Variants in FAM117A observed in about 807,000 individuals in gnomAD.
FAM117A encodes the protein protein FAM117A.
Under a neutral mutation model 44.1 loss-of-function variants are expected in FAM117A, and 21 were observed. The ratio of observed to expected loss-of-function variants is 0.48; its 90% confidence interval spans 0.34 to 0.69. FAM117A has a LOEUF of 0.69. Ranked by LOEUF, FAM117A falls within the 30% of genes least tolerant of loss-of-function variation. FAM117A has a pLI of 0.01. For synonymous variants in FAM117A, 220 were observed against 238.3 expected, an observed-to-expected ratio of 0.92 and a Z score of 0.71; for missense variants, 498 against 589.9, an observed-to-expected ratio of 0.84 and a Z score of 1.61.
At chr17:49,736,730 T>G (rs1567830659) in intron 1 of FAM117A, among the ~76,000 whole-genome samples, 1 of 152,208 alleles carries the variant, frequency 6.6e-6, no homozygotes, top group Non-Finnish European at 1.5e-5. Flanking sequence ...TAAAATCTGT[T>G]CATCTGTCAG....
At chr17:49,736,604 C>G (rs2073611953) in intron 1 of FAM117A, among the ~76,000 whole-genome samples, 1 of 152,206 alleles carries the variant, frequency 6.6e-6, no homozygotes, top group Non-Finnish European at 1.5e-5. Flanking sequence ...ACTTACCTGT[C>G]CTTTATACCT....
In FAM117A at chr17:49,758,636, A is replaced by AT. The variant is rs1567835848; in HGVS notation, c.196+5255dup. Among the ~76,000 whole-genome samples the AT allele has an allele frequency of 1.1e-3, 126 of 110,118 alleles. 1 individual carries two copies. Among genetic ancestry groups the AT allele is most frequent in the Middle Eastern group, 4.3e-3 (1 of 232 alleles). The allele number at this position is 110,118 out of a possible 152,430, so 72.2% of individuals were successfully genotyped here. A position where few individuals can be genotyped will look rare whatever the true frequency, so the allele number is the denominator to read the frequency against. On this transcript the variant is annotated intron_variant, in intron 1 of 7. Transcript: ENST00000240364. ...GAGACTGTCTCAAAAAAAAAAAAAAATAAAATAAATAAATAAATAAATAAA... is the reference window on the plus strand; with the variant it reads ...GAGACTGTCTCAAAAAAAAAAAAAAATTAAAATAAATAAATAAATAAATAAA...
intron 1 of FAM117A, among the ~76,000 whole-genome samples, chr17:49,740,140 G>C (rs887733355): frequency 3.9e-5 from 6 of 152,164 alleles, no homozygotes; most frequent in Non-Finnish European, 8.8e-5. Context: ...TCTGCCTGTT[G>C]GGGGAAAGTC....
intron 1 of FAM117A, among the ~76,000 whole-genome samples, chr17:49,742,232 G>A (rs1449302354): frequency 1.3e-5 from 2 of 152,196 alleles, no homozygotes; most frequent in African/African-American, 4.8e-5. Context: ...TTAAGTGAGA[G>A]CCACTGAAAG....
At position 49,764,011 on chromosome 17, in the gene FAM117A, CG is replaced by C; in HGVS notation, c.76del (p.Arg26GlyfsTer105). 8.3e-7 allele frequency: 1 copy of C among 1,205,904 alleles called. No individual in the cohort carries two copies. Among genetic ancestry groups the C allele is most frequent in the Non-Finnish European group, 1.0e-6 (1 of 967,054 alleles). 74.7% of individuals were successfully genotyped at this position (1,205,904 alleles called of 1,614,324 possible). On this transcript the variant is annotated frameshift_variant, in exon 1 of 8. Coordinates refer to ENST00000240364, the MANE Select transcript of FAM117A (RefSeq NM_030802.4). LOFTEE classifies it high-confidence loss of function. The part of the protein sequence containing the change: ...PGRGGAGGLR[R>X]GCSPPAPAGS... ...GGCGGGGGCTGGGGGAGAGCAGCCC[CG>C]CCGGAGCCCCCCGGCCCCTCCGCGC...
At chr17:49,768,528 G>C (rs967169981), upstream of FAM117A, among the ~76,000 whole-genome samples, 1 of 152,094 alleles carries the variant, frequency 6.6e-6, no homozygotes, top group Non-Finnish European at 1.5e-5. Flanking sequence ...TAATAAAACA[G>C]AAAATAAGAT....
chr17:49,744,969 G>A (rs529635126), intron 1 of FAM117A, among the ~76,000 whole-genome samples: 101 of 134,680 alleles, frequency 7.5e-4, no homozygotes, highest in African/African-American at 2.7e-3. Context: ...AGCTGTGATC[G>A]CATCACTGCA....
chr17:49,745,667 G>C (rs1439190128), intron 1 of FAM117A, among the ~76,000 whole-genome samples: 1 of 152,106 alleles, frequency 6.6e-6, no homozygotes, highest in African/African-American at 2.4e-5. Flanking sequence ...GGAAATACAG[G>C]GGATAGAGGA....
intron 1 of FAM117A, among the ~76,000 whole-genome samples, chr17:49,763,237 T>C (rs1349151263): frequency 6.6e-6 from 1 of 151,934 alleles, no homozygotes; most frequent in Non-Finnish European, 1.5e-5. Flanking sequence ...GTACAACTTC[T>C]GGGACACAGG....
intron 1 of FAM117A, among the ~76,000 whole-genome samples, chr17:49,762,008 T>G (rs886766703): frequency 5.3e-5 from 8 of 152,218 alleles, no homozygotes; most frequent in African/African-American, 1.9e-4. Flanking sequence ...TGACAAATTA[T>G]GCAGAGCTCT....
intron 1 of FAM117A, among the ~76,000 whole-genome samples, chr17:49,747,924 C>A (rs1309271613): frequency 6.6e-6 from 1 of 152,124 alleles, no homozygotes; most frequent in Non-Finnish European, 1.5e-5. Flanking sequence ...CCAGGGTAAA[C>A]CTAGTCTGAA....
At chr17:49,731,403 G>A (rs149652857) in intron 2 of FAM117A, among the ~76,000 whole-genome samples, 1,772 of 152,338 alleles carry the variant, frequency 0.012, 12 homozygotes, top group Middle Eastern at 0.027. Context: ...TAGCTGCTAA[G>A]AATGAAGTCC....
At chr17:49,713,500 A>T (rs1219878638) in intron 7 of FAM117A, among the ~76,000 whole-genome samples, 1 of 152,086 alleles carries the variant, frequency 6.6e-6, no homozygotes, top group Non-Finnish European at 1.5e-5. Context: ...ATACAGACTG[A>T]TAAATTGGTT....
At chr17:49,767,944 G>C (rs1235857949), upstream of FAM117A, among the ~76,000 whole-genome samples, 2 of 152,030 alleles carry the variant, frequency 1.3e-5, no homozygotes, top group Non-Finnish European at 2.9e-5. Context: ...TAGATACTAA[G>C]TGTATCAATA....
upstream of FAM117A, among the ~76,000 whole-genome samples, chr17:49,768,424 G>A (rs2143793724): frequency 6.6e-6 from 1 of 152,304 alleles, no homozygotes; most frequent in East Asian, 1.9e-4. Flanking sequence ...GGCTAGAGAA[G>A]TCTTGGTATT....
intron 1 of FAM117A, among the ~76,000 whole-genome samples, chr17:49,761,699 C>T (rs1304387708): frequency 6.6e-6 from 1 of 152,168 alleles, no homozygotes; most frequent in Non-Finnish European, 1.5e-5. Flanking sequence ...AAAAAACCAC[C>T]TCTGGTGCTT....
intron 6 of FAM117A, 63 bp from the exon 7 acceptor site, chr17:49,716,378 C>G (rs577395682): frequency 1.4e-6 from 2 of 1,430,704 alleles, no homozygotes. Context: ...TTTCTGGGTC[C>G]AGGACTGAGG....
chr17:49,737,612 ATC>A (rs1206694824), intron 1 of FAM117A, among the ~76,000 whole-genome samples: 2 of 151,982 alleles, frequency 1.3e-5, no homozygotes, highest in Non-Finnish European at 2.9e-5. Flanking sequence ...CCCTGCAAAA[ATC>A]TCTTTTAGAT....
At chr17:49,784,129 A>T (rs1317824449) in intron 1 of FAM117A, among the ~76,000 whole-genome samples, 1 of 152,272 alleles carries the variant, frequency 6.6e-6, no homozygotes, top group Non-Finnish European at 1.5e-5. Flanking sequence ...TATTTGAAAT[A>T]TGGTACCTAT....
Sources: allele counts gnomAD v4.1 joint callset (sites outside exome capture counted in the v4.1 genomes callset), GRCh38; gene constraint gnomAD v4.1.1; transcripts MANE v1.5; gene names NCBI Gene and HGNC (gene_info 2026-07-23, HGNC 2026-07-21).